The following NEIL3 variants were observed in gnomAD, a reference collection of about 807,000 sequenced individuals.
NEIL3 encodes endonuclease 8-like 3.
A neutral mutation model predicts 57.5 loss-of-function variants in NEIL3; 48 were observed. The ratio of observed to expected loss-of-function variants is 0.83; its 90% confidence interval spans 0.66 to 1.06. NEIL3 has a LOEUF of 1.06. Ranked by LOEUF, NEIL3 falls within the 50% of genes least tolerant of loss-of-function variation. The pLI is 0.00. For synonymous variants in NEIL3, 261 were observed against 253.2 expected (o/e 1.03, Z -0.29); for missense variants, 717 against 739.1 (o/e 0.97, Z 0.35).
Position 177,360,689 on chromosome 4 carries a change from A to T in NEIL3, c.1635+12A>T. 1 of 1,579,286 alleles carries T rather than the reference A, an allele frequency of 6.3e-7. No individual in the cohort carries two copies. On this transcript the variant is annotated intron_variant, in intron 9 of 9. Coordinates refer to ENST00000264596, the MANE Select transcript of NEIL3 (RefSeq NM_018248.3). ...GTGGATTTTTTGAAGTATGTGTAAG[A>T]TTTATCTAGCTTACTAAAATGTAAT... is the stretch of plus-strand genomic sequence containing the variant.
intron 2 of NEIL3, among the ~76,000 whole-genome samples, chr4:177,326,490 A>C (rs1734782378): frequency 1.3e-5 from 2 of 151,674 alleles, no homozygotes; most frequent in Admixed American, 1.3e-4. Context: ...TAAATTAAGT[A>C]GTGTCAGTCG....
intron 2 of NEIL3, among the ~76,000 whole-genome samples, chr4:177,323,554 A>G (rs1193767285): frequency 6.6e-6 from 1 of 152,174 alleles, no homozygotes; most frequent in Non-Finnish European, 1.5e-5. Flanking sequence ...GTCCTTGGAC[A>G]ACATTGTCAC....
At chr4:177,354,664 T>C (rs1381178327) in intron 8 of NEIL3, among the ~76,000 whole-genome samples, 1 of 152,134 alleles carries the variant, frequency 6.6e-6, no homozygotes, top group African/African-American at 2.4e-5. Flanking sequence ...GTATTTTTAG[T>C]AGAGATGGGG....
Position 177,338,024 on chromosome 4 carries a change from TCACACA to T in NEIL3, c.627+1724_627+1729del, listed in dbSNP as rs35763650. Reference sequence around the variant, plus strand: ...CAGAGCGAGACTCTGTCTCTCTCTCTCACACACACACACACACACACACACATTTCT... The same window carrying T: ...CAGAGCGAGACTCTGTCTCTCTCTCTCACACACACACACACACACATTTCT... On this transcript the variant is annotated intron_variant, in intron 4 of 9. Transcript: ENST00000264596. Among the ~76,000 whole-genome samples the T allele has an allele frequency of 1.5e-3, 223 of 149,478 alleles. 2 individuals are homozygous for T. The highest frequency in any genetic ancestry group is 5.1e-3 in the African/African-American group (206 of 40,576).
At chr4:177,332,594 G>A (rs1266233378) in intron 2 of NEIL3, among the ~76,000 whole-genome samples, 1 of 152,108 alleles carries the variant, frequency 6.6e-6, no homozygotes. Flanking sequence ...CATGAAGACA[G>A]GTGTCATGCC....
chr4:177,357,250 T>A (rs1358451091), intron 8 of NEIL3, among the ~76,000 whole-genome samples: 2 of 152,238 alleles, frequency 1.3e-5, no homozygotes, highest in African/African-American at 4.8e-5. Context: ...TGAATCGCCC[T>A]ATCTATAAAA....
intron 1 of NEIL3, among the ~76,000 whole-genome samples, chr4:177,321,777 A>AG (rs1403577289): frequency 1.3e-5 from 2 of 152,192 alleles, no homozygotes; most frequent in Non-Finnish European, 2.9e-5. Flanking sequence ...TCCCCTACTC[A>AG]GGGGGCCGCA....
intron 1 of NEIL3, among the ~76,000 whole-genome samples, chr4:177,317,255 A>G (rs1342186191): frequency 6.6e-6 from 1 of 152,156 alleles, no homozygotes; most frequent in African/African-American, 2.4e-5. Context: ...TTTTAATTGC[A>G]GAGAATAGGG....
downstream of NEIL3, among the ~76,000 whole-genome samples, chr4:177,366,389 A>G (rs187825897): frequency 8.1e-4 from 123 of 152,276 alleles, 1 homozygote; most frequent in Non-Finnish European, 1.5e-4. Context: ...GTTTGCAACC[A>G]TTATCTCTTC....
chr4:177,319,601 C>T (rs916197867), intron 1 of NEIL3, among the ~76,000 whole-genome samples: 9 of 152,170 alleles, frequency 5.9e-5, no homozygotes, highest in Middle Eastern at 3.4e-3. Flanking sequence ...TTATCCCTCA[C>T]GCCCCTCTGT....
Position 177,360,684 on chromosome 4 carries a change from G to T in NEIL3, c.1635+7G>T, listed in dbSNP as rs770480862. Reference sequence around the variant, plus strand: ...ACAATGTGGATTTTTTGAAGTATGTGTAAGATTTATCTAGCTTACTAAAAT... The same window carrying T: ...ACAATGTGGATTTTTTGAAGTATGTTTAAGATTTATCTAGCTTACTAAAAT... On this transcript the variant is annotated splice_region_variant and intron_variant, in intron 9 of 9. Transcript: ENST00000264596. 5.6e-6 allele frequency: 9 copies of T among 1,593,572 alleles called. No homozygotes were observed. The highest frequency in any genetic ancestry group is 7.7e-6 in the Non-Finnish European group (9 of 1,167,310).
chr4:177,327,775 T>G (rs1464205249), intron 2 of NEIL3, among the ~76,000 whole-genome samples: 2 of 152,218 alleles, frequency 1.3e-5, no homozygotes, highest in Non-Finnish European at 2.9e-5. Context: ...ATTTTTCAAG[T>G]ATTTTTTCTG....
chr4:177,360,785 G>T (rs987059665), intron 9 of NEIL3, 108 bp downstream of exon 9: 2 of 828,824 alleles, frequency 2.4e-6, no homozygotes, highest in African/African-American at 3.4e-5. Flanking sequence ...CTTTAAATTT[G>T]AAATAGCCAT....
intron 9 of NEIL3, among the ~76,000 whole-genome samples, chr4:177,361,172 T>G (rs1735601258): frequency 6.6e-6 from 1 of 152,212 alleles, no homozygotes; most frequent in African/African-American, 2.4e-5. Context: ...CATAGCAATT[T>G]AGCTATAGGC....
chr4:177,342,741 G>GA (rs1324742015), intron 6 of NEIL3, among the ~76,000 whole-genome samples: 7 of 152,108 alleles, frequency 4.6e-5, no homozygotes, highest in African/African-American at 1.7e-4. Context: ...TATTTAATTG[G>GA]AAAAAAGGAG....
chr4:177,347,378 AAG>A (rs1735244927), intron 6 of NEIL3, among the ~76,000 whole-genome samples: 1 of 152,138 alleles, frequency 6.6e-6, no homozygotes. Context: ...TGGCCAAGGC[AAG>A]TTTCTGAGTA....
chr4:177,315,871 G>A (rs778431404), intron 1 of NEIL3, among the ~76,000 whole-genome samples: 41 of 152,184 alleles, frequency 2.7e-4, no homozygotes, highest in Admixed American at 6.5e-4. Flanking sequence ...CCAGGAATCC[G>A]CTGACTTGGG....
chr4:177,341,246 T>C (rs1735084718), intron 5 of NEIL3, among the ~76,000 whole-genome samples: 1 of 152,216 alleles, frequency 6.6e-6, no homozygotes, highest in African/African-American at 2.4e-5. Context: ...TTTTGAATAC[T>C]AATGTCATTA....
intron 2 of NEIL3, among the ~76,000 whole-genome samples, chr4:177,328,815 A>T (rs1734828018): frequency 6.6e-6 from 1 of 152,176 alleles, no homozygotes; most frequent in South Asian, 2.1e-4. Flanking sequence ...CAAGCATAAT[A>T]ACAATTTATT....
Sources: allele counts gnomAD v4.1 joint callset (sites outside exome capture counted in the v4.1 genomes callset), GRCh38; gene constraint gnomAD v4.1.1; transcripts MANE v1.5; gene names NCBI Gene and HGNC (gene_info 2026-07-23, HGNC 2026-07-21).